CYTH3: variants seen among roughly 807,000 people sequenced by gnomAD.
CYTH3 encodes cytohesin 3.
A neutral mutation model predicts 55.1 loss-of-function variants in CYTH3; 23 were observed. The observed-to-expected ratio is 0.42, with a 90% CI of 0.30 to 0.59. CYTH3 has a LOEUF of 0.59. Ranked by LOEUF, CYTH3 falls within the 20% of genes least tolerant of loss-of-function variation. The pLI, the probability that CYTH3 is intolerant of heterozygous loss-of-function variation, is 0.20. For synonymous variants in CYTH3, 249 were observed against 194.9 expected (o/e 1.28, Z -2.31); for missense variants, 413 against 524.8 (o/e 0.79, Z 2.08).
At chr7:6,226,580 G>A (rs1250471266) in intron 1 of CYTH3, among the ~76,000 whole-genome samples, 1 of 152,126 alleles carries the variant, frequency 6.6e-6, no homozygotes, top group Admixed American at 6.6e-5. Context: ...CCACTCCATG[G>A]CTAATGCCCT....
intron 1 of CYTH3, among the ~76,000 whole-genome samples, chr7:6,258,252 G>A (rs75805799): frequency 0.05 from 7,576 of 150,344 alleles, 283 homozygotes; most frequent in Non-Finnish European, 0.076. Context: ...GGTTGAGACC[G>A]CAAAGAGCCA....
chr7:6,259,764 TATATATATTATATATATATA>T lies in CYTH3; in HGVS notation c.34+12690_34+12709del, dbSNP rs1265568103. Among the ~76,000 whole-genome samples, 73 of 24,926 alleles carry T rather than the reference TATATATATTATATATATATA, an allele frequency of 2.9e-3. 1 individual carries two copies. Among genetic ancestry groups the T allele is most frequent in the Middle Eastern group, 0.024 (1 of 42 alleles). 16.4% of individuals were successfully genotyped at this position (24,926 alleles called of 152,430 possible). The stretch of plus-strand genomic sequence containing the variant: ...ATATAATATATATATATATTATATA[TATATATATTATATATATATA>T]ATATATATATATATATATATATATA... On this transcript the variant is annotated intron_variant, in intron 1 of 12. Transcript: ENST00000350796.
intron 1 of CYTH3, among the ~76,000 whole-genome samples, chr7:6,196,348 A>G (rs1783927281): frequency 6.6e-6 from 1 of 152,138 alleles, no homozygotes; most frequent in Non-Finnish European, 1.5e-5. Context: ...GAAAACCAAC[A>G]TCGAATGCCC....
chr7:6,185,427 G>GT (rs1783611346), intron 4 of CYTH3, among the ~76,000 whole-genome samples: 3 of 150,992 alleles, frequency 2.0e-5, no homozygotes, highest in Admixed American at 6.6e-5. Context: ...CGGGTGCACT[G>GT]GGCTCACGCC....
intron 1 of CYTH3, among the ~76,000 whole-genome samples, 166 bp downstream of exon 1, chr7:6,272,308 C>A (rs1348539638): frequency 6.6e-6 from 1 of 151,522 alleles, no homozygotes; most frequent in Admixed American, 6.6e-5. Context: ...GGAGACCCAG[C>A]CTCGGCCCTG....
chr7:6,234,727 C>A (rs760550347), intron 1 of CYTH3, among the ~76,000 whole-genome samples: 3 of 152,278 alleles, frequency 2.0e-5, no homozygotes, highest in East Asian at 3.9e-4. Flanking sequence ...GCTCTCCCAC[C>A]GCGTGGCAGG....
chr7:6,256,741 G>C (rs981753030), intron 1 of CYTH3, among the ~76,000 whole-genome samples: 7 of 152,202 alleles, frequency 4.6e-5, no homozygotes, highest in Non-Finnish European at 8.8e-5. Flanking sequence ...GTCATGTTCT[G>C]CATGTCCAGC....
chr7:6,261,284 G>A (rs1054127082), intron 1 of CYTH3, among the ~76,000 whole-genome samples: 7 of 152,206 alleles, frequency 4.6e-5, no homozygotes, highest in Non-Finnish European at 8.8e-5. Flanking sequence ...TTAGGGGACT[G>A]AGGGGACAAA....
intron 1 of CYTH3, among the ~76,000 whole-genome samples, chr7:6,203,058 CTA>C (rs1300656218): frequency 6.6e-6 from 1 of 152,066 alleles, no homozygotes; most frequent in African/African-American, 2.4e-5. Flanking sequence ...TAGACTAAAG[CTA>C]TGAGTCACTA....
intron 4 of CYTH3, 93 bp from the exon 5 acceptor site, chr7:6,178,034 G>A (rs933921528): frequency 1.7e-5 from 16 of 922,068 alleles, no homozygotes; most frequent in Non-Finnish European, 2.6e-5. Context: ...GATTTTACTG[G>A]TATGGACACA....
At chr7:6,243,565 A>G (rs1453390610) in intron 1 of CYTH3, among the ~76,000 whole-genome samples, 8 of 152,222 alleles carry the variant, frequency 5.3e-5, no homozygotes, top group African/African-American at 2.4e-5. Context: ...TTGGGAATCC[A>G]TAAGGGGAGG....
Position 6,272,463 on chromosome 7 carries a change from C to T in CYTH3, c.34+11G>A. On this transcript the variant is annotated intron_variant, in intron 1 of 12. Coordinates refer to ENST00000350796, the MANE Select transcript of CYTH3 (RefSeq NM_004227.4). ...GGCCGCCGGCGAGCCCACCACACCT[C>T]CGACACTCACCGCCACCACCCTCGC... 1 of 1,371,126 alleles carries T rather than the reference C, an allele frequency of 7.3e-7. No homozygotes were observed. The highest frequency in any genetic ancestry group is 9.5e-7 in the Non-Finnish European group (1 of 1,053,166). The allele number at this position is 1,371,126 out of a possible 1,614,324, so 84.9% of individuals were successfully genotyped here.
intron 4 of CYTH3, among the ~76,000 whole-genome samples, chr7:6,179,464 G>C (rs965415774): frequency 3.9e-5 from 6 of 151,982 alleles, no homozygotes; most frequent in Non-Finnish European, 8.8e-5. Context: ...TGTACATTTA[G>C]AATTTGTGCA....
intron 1 of CYTH3, among the ~76,000 whole-genome samples, chr7:6,210,288 A>T (rs997705489): frequency 3.9e-5 from 6 of 152,222 alleles, no homozygotes; most frequent in African/African-American, 1.4e-4. Flanking sequence ...TATTAATAAC[A>T]TTTTTAAAGT....
chr7:6,266,484 G>A (rs1431252540), intron 1 of CYTH3, among the ~76,000 whole-genome samples: 1 of 152,058 alleles, frequency 6.6e-6, no homozygotes, highest in South Asian at 2.1e-4. Context: ...ATCTTTCAGC[G>A]GCTTCATGTA....
chr7:6,250,987 A>G (rs980850618), intron 1 of CYTH3, among the ~76,000 whole-genome samples: 2 of 152,226 alleles, frequency 1.3e-5, no homozygotes, highest in African/African-American at 4.8e-5. Flanking sequence ...TCATACATAA[A>G]TCTGAGAAGA....
At chr7:6,176,464 T>C (rs144466050) in intron 5 of CYTH3, among the ~76,000 whole-genome samples, 1,739 of 152,078 alleles carry the variant, frequency 0.011, 34 homozygotes, top group African/African-American at 0.039. Flanking sequence ...GGTTTCACCA[T>C]GTTAGCCAGG....
At chr7:6,272,406 C>A in intron 1 of CYTH3, 68 bp downstream of exon 1, 1 of 1,218,726 alleles carries the variant, frequency 8.2e-7, no homozygotes, top group Non-Finnish European at 1.1e-6. Context: ...AGCGCCGCGC[C>A]CTCGACCCCC....
At chr7:6,191,838 A>T (rs1228541562) in intron 1 of CYTH3, among the ~76,000 whole-genome samples, 1 of 148,284 alleles carries the variant, frequency 6.7e-6, no homozygotes, top group African/African-American at 2.6e-5. Context: ...GCACTTTGGG[A>T]GGCCAAGGTG....
Sources: gnomAD v4.1 joint callset for allele counts (sites outside exome capture counted in the v4.1 genomes callset) on GRCh38, gnomAD v4.1.1 for gene constraint, MANE v1.5 for transcripts, NCBI Gene and HGNC (gene_info 2026-07-23, HGNC 2026-07-21) for gene names.